The following SLC14A2 variants were observed in gnomAD, a reference collection of about 807,000 sequenced individuals.
SLC14A2 encodes the protein urea transporter 2.
SLC14A2 carries 91 observed loss-of-function variants against 104.6 expected under a neutral mutation model. The ratio of observed to expected loss-of-function variants is 0.87; its 90% CI spans 0.73 to 1.04. The LOEUF is 1.04. SLC14A2 is among the 50% of genes least tolerant of loss of function. The probability of loss-of-function intolerance (pLI) is 0.00; values close to 1 mark genes in which losing one functional copy is unlikely to be tolerated. For missense variants in SLC14A2, 1,189 were observed against 1,156.0 expected (o/e 1.03, Z -0.41); for synonymous variants, 476 against 466.4 (o/e 1.02, Z -0.27).
In SLC14A2 at chr18:45,464,292, G is replaced by A. The variant is rs530399981; in HGVS notation, c.-124-18941G>A. ...CAAATTTCCCATCTCTGAGATAAAT[G>A]GTTTGGATTAAATAACCTCACAAGT... is the stretch of plus-strand genomic sequence containing the variant. On this transcript the variant is annotated intron_variant, in intron 1 of 20. Coordinates refer to the SLC14A2 transcript ENST00000586448. Among the ~76,000 whole-genome samples the A allele has an allele frequency of 2.5e-3, 388 of 152,260 alleles. 2 individuals carry two copies. The highest frequency in any genetic ancestry group is 1.6e-3 in the Non-Finnish European group (111 of 68,014).
At chr18:45,628,076 C>T (rs563012036) in intron 4 of SLC14A2, among the ~76,000 whole-genome samples, 3 of 151,892 alleles carry the variant, frequency 2.0e-5, no homozygotes, top group South Asian at 2.1e-4. Context: ...TGACCACTTC[C>T]TGAGACTTTG....
At chr18:45,510,764 C>T (rs117432861) in intron 2 of SLC14A2, among the ~76,000 whole-genome samples, 238 of 152,116 alleles carry the variant, frequency 1.6e-3, no homozygotes, top group Non-Finnish European at 2.8e-3. Flanking sequence ...TGACAGTTCC[C>T]TAGCTTGTTC....
intron 1 of SLC14A2, among the ~76,000 whole-genome samples, chr18:45,353,297 T>A (rs375535966): frequency 3.9e-4 from 60 of 152,256 alleles, no homozygotes; most frequent in African/African-American, 1.4e-3. Flanking sequence ...ATTATACATA[T>A]CCACAGTGGT....
At chr18:45,318,461 A>C (rs2085151949) in intron 1 of SLC14A2, among the ~76,000 whole-genome samples, 1 of 152,136 alleles carries the variant, frequency 6.6e-6, no homozygotes, top group Admixed American at 6.5e-5. Context: ...TCCGTGTGAA[A>C]GTTCTTTATA....
chr18:45,494,094 C>G (rs544664189), intron 2 of SLC14A2, among the ~76,000 whole-genome samples: 1 of 152,336 alleles, frequency 6.6e-6, no homozygotes, highest in South Asian at 2.1e-4. Context: ...TGTTAGCGTT[C>G]TGTACTTCTT....
chr18:45,457,486 C>G (rs368693551), intron 1 of SLC14A2, among the ~76,000 whole-genome samples: 1 of 152,064 alleles, frequency 6.6e-6, no homozygotes, highest in Non-Finnish European at 1.5e-5. Flanking sequence ...GCTCATAGCT[C>G]GGGTAGCAAA....
intron 1 of SLC14A2, among the ~76,000 whole-genome samples, chr18:45,221,137 C>G (rs140613096): frequency 6.6e-6 from 1 of 152,232 alleles, no homozygotes; most frequent in African/African-American, 2.4e-5. Context: ...ACAGTTCAGC[C>G]CATAACAGGG....
intron 1 of SLC14A2, among the ~76,000 whole-genome samples, chr18:45,470,653 T>C (rs552110047): frequency 1.5e-4 from 23 of 152,296 alleles, no homozygotes; most frequent in African/African-American, 5.5e-4. Context: ...TTTAATCCTC[T>C]GTATCCTTAC....
intron 1 of SLC14A2, among the ~76,000 whole-genome samples, chr18:45,310,532 C>T (rs1286681908): frequency 1.3e-5 from 2 of 152,204 alleles, no homozygotes; most frequent in Admixed American, 1.3e-4. Flanking sequence ...ATTTGGTCCA[C>T]TGATATCAGC....
At chr18:45,474,856 G>T (rs1358422749) in intron 1 of SLC14A2, among the ~76,000 whole-genome samples, 1 of 151,924 alleles carries the variant, frequency 6.6e-6, no homozygotes. Context: ...TTTTTGAAGG[G>T]TTTTTTGTGT....
At chr18:45,556,088 G>T (rs1428404215) in intron 2 of SLC14A2, among the ~76,000 whole-genome samples, 1 of 152,120 alleles carries the variant, frequency 6.6e-6, no homozygotes, top group African/African-American at 2.4e-5. Context: ...CCCTCTTCTG[G>T]GTTGCAGACT....
chr18:45,414,771 T>TATATATAC (rs2086257254), intron 1 of SLC14A2, among the ~76,000 whole-genome samples: 1 of 68,438 alleles, frequency 1.5e-5, no homozygotes, highest in Non-Finnish European at 3.0e-5. Context: ...TATATATATA[T>TATATATAC]ATATATATAT....
chr18:45,576,027 A>G (rs2044414000), intron 2 of SLC14A2, among the ~76,000 whole-genome samples: 1 of 152,224 alleles, frequency 6.6e-6, no homozygotes, highest in Admixed American at 6.5e-5. Flanking sequence ...TTAAAGAGTC[A>G]TAAATAGTGA....
intron 1 of SLC14A2, among the ~76,000 whole-genome samples, chr18:45,440,886 C>A (rs527338323): frequency 2.0e-5 from 3 of 152,294 alleles, no homozygotes; most frequent in African/African-American, 4.8e-5. Flanking sequence ...CTCAGTCCAG[C>A]ATTGCTCTAG....
chr18:45,277,594 A>C (rs762277663), intron 1 of SLC14A2, among the ~76,000 whole-genome samples: 17 of 152,120 alleles, frequency 1.1e-4, no homozygotes, highest in Non-Finnish European at 1.8e-4. Context: ...TTTTTTGTAG[A>C]GACAGGGTCT....
chr18:45,181,616 C>T, the SLC14A2 span, among the ~76,000 whole-genome samples: 1 of 151,726 alleles, frequency 6.6e-6, no homozygotes, highest in Non-Finnish European at 1.5e-5. Context: ...CAAATTCAAG[C>T]ATAAAAAAAT....
At chr18:45,410,112 G>A (rs973991498) in intron 1 of SLC14A2, among the ~76,000 whole-genome samples, 3 of 152,138 alleles carry the variant, frequency 2.0e-5, no homozygotes, top group Non-Finnish European at 2.9e-5. Context: ...CAGGGCTCAC[G>A]CTCCTATGAG....
chr18:45,221,242 C>A (rs1395108242), intron 1 of SLC14A2, among the ~76,000 whole-genome samples: 1 of 152,188 alleles, frequency 6.6e-6, no homozygotes, highest in African/African-American at 2.4e-5. Context: ...TAAATGTTGT[C>A]TTTGCTCTTG....
rs774818378 is a variant in SLC14A2 at position 45,666,132 on chromosome 18, TC to T, written c.1475-3del. 9.3e-6 allele frequency: 15 copies of T among 1,610,372 alleles called. No individual in the cohort carries two copies. Among genetic ancestry groups the T allele is most frequent in the Admixed American group, 1.7e-5 (1 of 59,998 alleles). On this transcript the variant is annotated splice_polypyrimidine_tract_variant and splice_region_variant and intron_variant, in intron 11 of 19. Transcript: ENST00000255226. ...ACTGATGGTGCTCTTTCCTTCTAAC[TC>T]CAGTGTTTGGAAAAGGCGAACACCA...
Sources: allele counts gnomAD v4.1 joint callset (sites outside exome capture counted in the v4.1 genomes callset), GRCh38; gene constraint gnomAD v4.1.1; transcripts MANE v1.5; gene names NCBI Gene and HGNC (gene_info 2026-07-23, HGNC 2026-07-21).